The following SMYD3 variants were observed in gnomAD, a reference collection of about 807,000 sequenced individuals.
SMYD3 encodes SET and MYND domain containing 3, also known as histone-lysine N-methyltransferase SMYD3.
SMYD3 carries 36 observed loss-of-function variants against 57.7 expected under a neutral mutation model. The observed-to-expected ratio is 0.62, with a 90% CI of 0.48 to 0.82. The LOEUF is 0.82. SMYD3 is among the 40% of genes least tolerant of loss of function. The pLI is 0.00. For missense variants in SMYD3, 515 were observed against 538.8 expected (o/e 0.96, Z 0.44); for synonymous variants, 211 against 195.0 (o/e 1.08, Z -0.68).
At chr1:246,269,700 G>A (rs541515781) in intron 5 of SMYD3, among the ~76,000 whole-genome samples, 35 of 151,782 alleles carry the variant, frequency 2.3e-4, no homozygotes, top group African/African-American at 7.7e-4. Context: ...GTAAGCAGCC[G>A]GGACTACAGG....
At chr1:246,317,925 ATAATTAATATAGT>A (rs1382226677) in intron 5 of SMYD3, among the ~76,000 whole-genome samples, 1 of 152,172 alleles carries the variant, frequency 6.6e-6, no homozygotes, top group African/African-American at 2.4e-5. Context: ...CAAACCTGGA[ATAATTAATATAGT>A]TATTCATCAT....
intron 5 of SMYD3, among the ~76,000 whole-genome samples, chr1:246,045,097 C>T (rs2059940207): frequency 6.6e-6 from 1 of 152,176 alleles, no homozygotes; most frequent in South Asian, 2.1e-4. Context: ...CATCAAGCTA[C>T]CAATGACTTT....
intron 5 of SMYD3, among the ~76,000 whole-genome samples, chr1:246,312,397 T>A (rs1341231306): frequency 6.6e-6 from 1 of 152,092 alleles, no homozygotes; most frequent in African/African-American, 2.4e-5. Context: ...CGGAAGGATT[T>A]TAATAATAAC....
intron 5 of SMYD3, among the ~76,000 whole-genome samples, chr1:246,034,077 T>A (rs2059727155): frequency 6.6e-6 from 1 of 152,080 alleles, no homozygotes; most frequent in South Asian, 2.1e-4. Flanking sequence ...ATATGAAAAA[T>A]TGCCTAGCAC....
At chr1:246,263,781 G>T (rs1456846177) in intron 5 of SMYD3, among the ~76,000 whole-genome samples, 2 of 152,142 alleles carry the variant, frequency 1.3e-5, no homozygotes, top group Non-Finnish European at 2.9e-5. Context: ...CTAAATAGTG[G>T]TTAATTTGAA....
At chr1:245,773,500 CA>C (rs2046421660) in intron 10 of SMYD3, among the ~76,000 whole-genome samples, 1 of 152,224 alleles carries the variant, frequency 6.6e-6, no homozygotes, top group Non-Finnish European at 1.5e-5. Flanking sequence ...AGGGAAACCT[CA>C]GGGGCTGTGT....
chr1:246,405,017 T>G (rs1370627771), intron 1 of SMYD3, among the ~76,000 whole-genome samples: 1 of 152,176 alleles, frequency 6.6e-6, no homozygotes, highest in Non-Finnish European at 1.5e-5. Context: ...AATAGTGCAA[T>G]CACGGCTCAC....
At chr1:245,829,402 C>T (rs184325431) in intron 10 of SMYD3, among the ~76,000 whole-genome samples, 1 of 152,056 alleles carries the variant, frequency 6.6e-6, no homozygotes, top group Admixed American at 6.6e-5. Flanking sequence ...GATGAGACAA[C>T]AGGCAAATTC....
rs1270485681 is a variant in SMYD3, at chr1:246,192,894, A to G, written c.531+134307T>C. Among the ~76,000 whole-genome samples, 3 of 152,092 alleles carry G rather than the reference A, an allele frequency of 2.0e-5. No individual in the cohort carries two copies. In the East Asian group the frequency reaches 5.8e-4, roughly 29 times the overall value. ...TGCATTCATTGCTTTTAAAAAGGTA[A>G]AAGGTAAAGTCAAAAAAAAAAAAGA... On this transcript the variant is annotated intron_variant, in intron 5 of 11. Transcript: ENST00000490107.
chr1:245,929,975 C>T (rs1267151683), intron 5 of SMYD3, 38 bp from the exon 6 acceptor site: 1 of 1,564,412 alleles, frequency 6.4e-7, no homozygotes. Context: ...TTACTAGAGT[C>T]ACTTAAGAAA....
In SMYD3 at chr1:245,793,221, A is replaced by ATG. The variant is rs1220169701; in HGVS notation, c.1077-29073_1077-29072insCA. 1.1e-4 allele frequency among the ~76,000 whole-genome samples: 17 copies of ATG among 151,908 alleles called. No individual in the cohort carries two copies. The East Asian group carries it at 3.1e-3, about 28-fold the overall frequency. ...CTACTCGGGAGGCTGAGGCAGGAGA[A>ATG]TCGCTTGAACCCAGGAGACGGAGCT... On this transcript the variant is annotated intron_variant, in intron 10 of 11. Coordinates refer to ENST00000490107, the MANE Select transcript of SMYD3 (RefSeq NM_001167740.2).
At chr1:246,101,068 TTTG>T (rs145716927) in intron 5 of SMYD3, among the ~76,000 whole-genome samples, 3,998 of 49,344 alleles carry the variant, frequency 0.081, 499 homozygotes, top group Non-Finnish European at 0.13. Flanking sequence ...TTAGGGGTTT[TTTG>T]TTTTTTTTTT....
chr1:245,751,217 T>C (rs1420767361), intron 11 of SMYD3, among the ~76,000 whole-genome samples: 1 of 152,198 alleles, frequency 6.6e-6, no homozygotes, highest in Non-Finnish European at 1.5e-5. Context: ...AGAATAGATT[T>C]TTTGCCTTTC....
chr1:245,859,618 C>T (rs538513710), intron 9 of SMYD3, among the ~76,000 whole-genome samples: 1 of 152,332 alleles, frequency 6.6e-6, no homozygotes, highest in South Asian at 2.1e-4. Context: ...CCTGGGACCT[C>T]GCAGTTTCTT....
At chr1:246,148,597 C>G (rs12409101) in intron 5 of SMYD3, among the ~76,000 whole-genome samples, 2,470 of 152,210 alleles carry the variant, frequency 0.016, 160 homozygotes, top group Admixed American at 0.12. Flanking sequence ...GATCACATAA[C>G]ACTATGATTT....
chr1:245,823,345 T>G (rs376702541), intron 10 of SMYD3, among the ~76,000 whole-genome samples: 1 of 80,124 alleles, frequency 1.2e-5, no homozygotes, highest in African/African-American at 2.8e-5. Context: ...GCGCTCGTGC[T>G]TGCTCGCTCT....
At chr1:246,226,563 G>A (rs1380150805) in intron 5 of SMYD3, among the ~76,000 whole-genome samples, 5 of 152,126 alleles carry the variant, frequency 3.3e-5, no homozygotes, top group Non-Finnish European at 7.3e-5. Context: ...TTCTTCACTC[G>A]AGTCACTGCA....
intron 1 of SMYD3, among the ~76,000 whole-genome samples, chr1:246,361,777 GAC>G (rs1242904473): frequency 1.3e-5 from 2 of 152,162 alleles, no homozygotes; most frequent in Non-Finnish European, 2.9e-5. Flanking sequence ...TGATACACTG[GAC>G]ATCGGGGACT....
At chr1:245,814,252 G>C (rs1401500916) in intron 10 of SMYD3, 1 of 491,668 alleles carries the variant, frequency 2.0e-6, no homozygotes, top group African/African-American at 2.1e-5. Flanking sequence ...CTGTTTTGAA[G>C]GTAAACAATT....
Sources: gnomAD v4.1 joint callset for allele counts (sites outside exome capture counted in the v4.1 genomes callset) on GRCh38, gnomAD v4.1.1 for gene constraint, MANE v1.5 for transcripts, NCBI Gene and HGNC (gene_info 2026-07-23, HGNC 2026-07-21) for gene names.